The following PLIN4 variants were observed in gnomAD, a reference collection of about 807,000 sequenced individuals.
PLIN4 encodes the protein perilipin 4.
In PLIN4, 57 loss-of-function variants were observed where a neutral mutation model predicts 52.4. The ratio of observed to expected loss-of-function variants is 1.09; its 90% CI spans 0.88 to 1.36. The LOEUF is 1.36. PLIN4 is among the 40% of genes most tolerant of loss of function. The probability of loss-of-function intolerance (pLI) is 0.00; values close to 1 mark genes in which losing one functional copy is unlikely to be tolerated. For synonymous variants in PLIN4, 826 were observed against 785.4 expected, an observed-to-expected ratio of 1.05 and a Z score of -0.86; for missense variants, 1,757 against 1,770.3, an observed-to-expected ratio of 0.99 and a Z score of 0.13.
In PLIN4 at chr19:4,510,458, C is replaced by T. The variant is rs201465376; in HGVS notation, c.3502G>A (p.Ala1168Thr). 3.7e-4 allele frequency: 529 copies of T among 1,426,100 alleles called. 4 individuals carry two copies. The highest frequency in any genetic ancestry group is 7.3e-5 in the Non-Finnish European group (79 of 1,086,750). 88.3% of individuals were successfully genotyped at this position (1,426,100 alleles called of 1,614,324 possible). ...GGCGTCCCCTCACCTTGCTCCTCCG[C>T]ATTCATGGGGTGGAAGATGTCCCCC... ...GLGDIFHPMN[A>T]EEQAQLAASQ... Residue 1168 changes from alanine to threonine, a missense_variant, in exon 5 of 8, where the codon GCG becomes ACG. Coordinates refer to ENST00000301286, the MANE Select transcript of PLIN4 (RefSeq NM_001367868.2).
chr19:4,510,321 A>C (rs879507036), intron 5 of PLIN4, 125 bp downstream of exon 5: 1 of 1,088,400 alleles, frequency 9.2e-7, no homozygotes, highest in Admixed American at 4.0e-5. Flanking sequence ...AACCGAGATC[A>C]CGCCACTGCA....
In PLIN4 at chr19:4,504,705, G is replaced by A. The variant is rs758219043; in HGVS notation, c.3870C>T (p.Ser1290=). 6 of 1,601,252 alleles carry A rather than the reference G, an allele frequency of 3.7e-6. No homozygotes were observed. In the African/African-American group the frequency reaches 6.7e-5, roughly 18 times the overall value. ...GGAGCTCGGCGGGCAGGCCCTGGAG[G>A]CTGGAGACCAGGCCACTGTAGGCCG... ...LHTAYSGLVS[S]LQGLPAELQQ... is the part of the protein sequence containing the mutation. The change falls in exon 8 of 8, where the codon AGC becomes AGT. Residue 1290 remains serine (S), a synonymous_variant. Transcript: ENST00000301286.
At chr19:4,516,384 G>GTAC (rs2145304059) in intron 4 of PLIN4, among the ~76,000 whole-genome samples, 1 of 152,204 alleles carries the variant, frequency 6.6e-6, no homozygotes, top group East Asian at 1.9e-4. Flanking sequence ...GATTAGAGTG[G>GTAC]GGTAGCACTG....
rs745928904 is a variant in PLIN4, at chr19:4,508,911, C to T, written c.3559G>A (p.Glu1187Lys). ...AAACGAACGAAGTAGCTCCCCTGTTCCGCCGACAGCACCTTTGGCCCAGGC... is the reference window on the plus strand; with the variant it reads ...AAACGAACGAAGTAGCTCCCCTGTTTCGCCGACAGCACCTTTGGCCCAGGC... ...SQPGPKVLSA[E>K]QGSYFVRLGD... is the part of the protein sequence containing the mutation. The change falls in exon 6 of 8, where the codon GAA (glutamate) becomes AAA (lysine). Residue 1187 changes from glutamate to lysine, a missense_variant. By Grantham distance (56) the Glu-to-Lys change is moderately conservative. Around this residue, in one of 7 missense-constraint regions of PLIN4, gnomAD observed 712 missense variants for 637.1 expected, o/e 1.12. Coordinates refer to ENST00000301286, the MANE Select transcript of PLIN4 (RefSeq NM_001367868.2). 1.2e-6 allele frequency: 2 copies of T among 1,612,944 alleles called. No individual in the cohort carries two copies. The highest frequency in any genetic ancestry group is 2.2e-5 in the South Asian group (2 of 91,074).
In PLIN4 at chr19:4,511,254, G is replaced by A. The variant is rs1352965782; in HGVS notation, c.2706C>T (p.Leu902=). 1.9e-6 allele frequency: 3 copies of A among 1,611,038 alleles called. No homozygotes were observed. Among genetic ancestry groups the A allele is most frequent in the Non-Finnish European group, 2.5e-6 (3 of 1,178,146 alleles). ...TGTKDAVSTG[L]TGAVNLAKGT... The stretch of plus-strand genomic sequence containing the variant: ...CTTTGGCCAAGTTCACAGCCCCTGT[G>A]AGCCCAGTGGACACGGCATCTTTAG... Residue 902 remains leucine, a synonymous_variant, in exon 5 of 8, where the codon CTC becomes CTT. Transcript: ENST00000301286.
At position 4,510,986 on chromosome 19, in the gene PLIN4, C is replaced by T. The variant is rs1599742555; in HGVS notation, c.2974G>A (p.Gly992Ser). 6.2e-7 allele frequency: 1 copy of T among 1,613,160 alleles called. No individual in the cohort carries two copies. The highest frequency in any genetic ancestry group is 2.2e-5 in the East Asian group (1 of 44,820). Residue 992 changes from glycine (G) to serine (S), a missense_variant, in exon 5 of 8, where the codon GGT (glycine) becomes AGT (serine). This residue lies in a region of PLIN4 where 712 missense variants were observed against 637.1 expected (regional missense o/e 1.12). Transcript: ENST00000301286. ...GVDASKAVLM[G>S]TKDTVFSGVT... The stretch of plus-strand genomic sequence containing the variant: ...CCACTGAAGACAGTGTCCTTGGTAC[C>T]CATAAGCACAGCCTTGGAGGCGTCC...
In PLIN4 at chr19:4,502,257, G is replaced by T. The variant is rs1219464151; in HGVS notation, c.*2202C>A. ...TTCTAGCATTGCTGGTGCAGTGGGG[G>T]CCTGAGCTGGGGCGCAGGCGGCAGT... On this transcript the variant is annotated 3_prime_UTR_variant, in exon 8 of 8. Transcript: ENST00000301286. 1.7e-5 allele frequency: 10 copies of T among 593,762 alleles called. No homozygotes were observed. Among genetic ancestry groups the T allele is most frequent in the Non-Finnish European group, 2.8e-5 (9 of 326,514 alleles). 36.8% of individuals were successfully genotyped at this position (593,762 alleles called of 1,614,324 possible). A position where few individuals can be genotyped will look rare whatever the true frequency, so the allele number is the denominator to read the frequency against.
In PLIN4 at chr19:4,516,950, C is replaced by T. The variant is rs892604819; in HGVS notation, c.197-272G>A. Among the ~76,000 whole-genome samples the T allele has an allele frequency of 3.3e-5, 5 of 152,322 alleles. No individual in the cohort carries two copies. In the East Asian group the frequency reaches 9.7e-4, roughly 29 times the overall value. ...CTGGGTGGACACCCACCCTGAGTCC[C>T]GGGGTTCATATAGCCTGGCATGGGG... is the stretch of plus-strand genomic sequence containing the variant. On this transcript the variant is annotated intron_variant, in intron 3 of 7. Coordinates refer to ENST00000301286, the MANE Select transcript of PLIN4 (RefSeq NM_001367868.2).
In PLIN4 at chr19:4,504,622, G is replaced by A; in HGVS notation, c.3953C>T (p.Ser1318Leu). The change falls in exon 8 of 8, where the codon TCA (serine) becomes TTA (leucine). Residue 1318 changes from serine to leucine, a missense_variant. Ser to Leu is a moderately radical substitution (Grantham distance 145). Around this residue, in one of 7 missense-constraint regions of PLIN4, gnomAD observed 712 missense variants for 637.1 expected, o/e 1.12. Transcript: ENST00000301286. ...SLCELYGIVA[S>L]AGSVEELPAE... ...GGGCAGCTCCTCTACAGAGCCAGCT[G>A]AGGCCACGATGCCATAGAGCTCACA... 3 of 1,604,060 alleles carry A rather than the reference G, an allele frequency of 1.9e-6. No individual in the cohort carries two copies. The highest frequency in any genetic ancestry group is 1.7e-6 in the Non-Finnish European group (2 of 1,178,016).
Position 4,512,425 on chromosome 19 carries a change from A to G in PLIN4, c.1535T>C (p.Val512Ala). 1.2e-6 allele frequency: 2 copies of G among 1,610,318 alleles called. No homozygotes were observed. The highest frequency in any genetic ancestry group is 2.2e-5 in the South Asian group (2 of 90,868). ...GCCGGTCTGGACGGTCCCTTTGGCC[A>G]CGTTCACAGCCCCTGTGAGCCCAGT... The part of the protein sequence containing the change: ...VSTGLTGAVN[V>A]AKGTVQTGVD... The change falls in exon 5 of 8, where the codon GTG (valine) becomes GCG (alanine). Residue 512 changes from valine (V) to alanine (A), a missense_variant. Transcript: ENST00000301286.
chr19:4,505,267 G>A (rs954791306), intron 6 of PLIN4, among the ~76,000 whole-genome samples: 1 of 152,138 alleles, frequency 6.6e-6, no homozygotes, highest in African/African-American at 2.4e-5. Flanking sequence ...GCTGGCCCCT[G>A]GGACACCTCT....
Position 4,512,555 on chromosome 19 carries a change from C to A in PLIN4, c.1405G>T (p.Val469Phe), listed in dbSNP as rs200659524. 7.8e-5 allele frequency: 125 copies of A among 1,610,784 alleles called. No homozygotes were observed. The African/African-American group carries it at 1.5e-3, about 20-fold the overall frequency. Residue 469 changes from valine to phenylalanine, a missense_variant, in exon 5 of 8, where the codon GTC becomes TTC. Transcript: ENST00000301286. ...KIVLTGTKDT[V>F]CSGVTGAANV... Reference sequence around the variant, plus strand: ...GCAGCACCGGTGACCCCACTGCAGACAGTGTCCTTGGTACCAGTTAGAACG... The same window carrying A: ...GCAGCACCGGTGACCCCACTGCAGAAAGTGTCCTTGGTACCAGTTAGAACG...
At position 4,511,171 on chromosome 19, in the gene PLIN4, G is replaced by T; in HGVS notation, c.2789C>A (p.Thr930Asn). 6.2e-7 allele frequency: 1 copy of T among 1,612,298 alleles called. No individual in the cohort carries two copies. Among genetic ancestry groups the T allele is most frequent in the Non-Finnish European group, 8.5e-7 (1 of 1,178,914 alleles). The change falls in exon 5 of 8, where the codon ACC becomes AAC. Residue 930 changes from threonine to asparagine, a missense_variant. Coordinates refer to ENST00000301286, the MANE Select transcript of PLIN4 (RefSeq NM_001367868.2). ...GGCACCAGTGACTCCACTGCAGACG[G>T]TGTCCTTGGTACCGGTCAGGACAGT... Reference protein sequence around the residue: ...SKTVLTGTKDTVCSGVTGAVN... With the variant: ...SKTVLTGTKDNVCSGVTGAVN...
chr19:4,514,660 G>A (rs948848998), intron 4 of PLIN4, among the ~76,000 whole-genome samples: 17 of 151,530 alleles, frequency 1.1e-4, no homozygotes, highest in African/African-American at 3.6e-4. Context: ...CCGGGAAGGC[G>A]GAGCTTGCAG....
chr19:4,511,127 T>C lies in PLIN4; in HGVS notation c.2833A>G (p.Thr945Ala), dbSNP rs201795490. 2.1e-4 allele frequency: 339 copies of C among 1,609,616 alleles called. 1 individual carries two copies. The highest frequency in any genetic ancestry group is 1.3e-4 in the East Asian group (6 of 44,680). The change falls in exon 5 of 8, where the codon ACC (threonine) becomes GCC (alanine). Residue 945 changes from threonine to alanine, a missense_variant. Physicochemically the swap from Thr to Ala is moderately conservative, Grantham distance 58. Transcript: ENST00000301286. Reference sequence around the variant, plus strand: ...GCTGTGTCCACACCTGTCTGGACGGTCCCTTTGGCCACATTTACGGCACCA... The same window carrying C: ...GCTGTGTCCACACCTGTCTGGACGGCCCCTTTGGCCACATTTACGGCACCA... ...VTGAVNVAKG[T>A]VQTGVDTAKT...
chr19:4,511,431 G>C lies in PLIN4; in HGVS notation c.2529C>G (p.Ala843=), dbSNP rs536146509. Residue 843 remains alanine, a synonymous_variant, in exon 5 of 8, where the codon GCC becomes GCG. Transcript: ENST00000301286. ...CSGVTGAANV[A]KGAVQTGLKT... ...TCAGCCCAGTTTGCACAGCACCCTT[G>C]GCCACGTTCGCAGCACCGGTGACCC... 6.5e-7 allele frequency: 1 copy of C among 1,531,424 alleles called. No homozygotes were observed. The highest frequency in any genetic ancestry group is 2.3e-5 in the East Asian group (1 of 43,864). The allele number at this position is 1,531,424 out of a possible 1,614,324, so 94.9% of individuals were successfully genotyped here.
Position 4,518,383 on chromosome 19 carries a change from A to G in PLIN4, c.-18+2T>C. 1 of 1,231,128 alleles carries G rather than the reference A, an allele frequency of 8.1e-7. No individual in the cohort carries two copies. Among genetic ancestry groups the G allele is most frequent in the Non-Finnish European group, 1.0e-6 (1 of 987,698 alleles). 76.3% of individuals were successfully genotyped at this position (1,231,128 alleles called of 1,614,324 possible). ...TGAAAGCCTGAGCAGCCCGACACCCACCTGCAGGCCTGGCCTCACCCTGGT... is the reference window on the plus strand; with the variant it reads ...TGAAAGCCTGAGCAGCCCGACACCCGCCTGCAGGCCTGGCCTCACCCTGGT... On this transcript the variant is annotated splice_donor_variant, in intron 1 of 7. Transcript: ENST00000301286. LOFTEE classifies it low-confidence loss of function (5UTR_SPLICE).
At position 4,504,831 on chromosome 19, in the gene PLIN4, G is replaced by C. The variant is rs773803587; in HGVS notation, c.3789+30C>G. 3 of 1,602,214 alleles carry C rather than the reference G, an allele frequency of 1.9e-6. No individual in the cohort carries two copies. The African/African-American group carries it at 4.0e-5, about 21-fold the overall frequency. ...GTGAGTGGAGACCCATGGGCGGGGT[G>C]GGGGGACCCTAGCCCTGTGCCAGAC... On this transcript the variant is annotated intron_variant, in intron 7 of 7. Coordinates refer to ENST00000301286, the MANE Select transcript of PLIN4 (RefSeq NM_001367868.2).
chr19:4,516,224 G>A (rs904936434), intron 4 of PLIN4, among the ~76,000 whole-genome samples: 3 of 152,238 alleles, frequency 2.0e-5, no homozygotes, highest in African/African-American at 7.2e-5. Flanking sequence ...AGGTTGCAGT[G>A]AACTGAGATT....
Sources: allele counts gnomAD v4.1 joint callset (sites outside exome capture counted in the v4.1 genomes callset), GRCh38; gene constraint gnomAD v4.1.1; regional missense constraint gnomAD v4.1.1; transcripts MANE v1.5; gene names NCBI Gene and HGNC (gene_info 2026-07-23, HGNC 2026-07-21).